ROBO2: variants seen among roughly 807,000 people sequenced by gnomAD.
The protein encoded by ROBO2 is roundabout guidance receptor 2.
In ROBO2, 53 loss-of-function variants were observed where a neutral mutation model predicts 160.8. That is an observed-to-expected ratio of 0.33 (90% CI 0.26 to 0.41). The LOEUF is 0.41. Ranked by LOEUF, ROBO2 falls within the 10% of genes least tolerant of loss-of-function variation. The pLI is 1.00. For synonymous variants in ROBO2, 664 were observed against 611.7 expected (o/e 1.09, Z -1.26); for missense variants, 1,577 against 1,722.4 (o/e 0.92, Z 1.49).
At chr3:76,653,839 C>T (rs191169361) in intron 2 of ROBO2, among the ~76,000 whole-genome samples, 3 of 152,106 alleles carry the variant, frequency 2.0e-5, no homozygotes, top group Non-Finnish European at 2.9e-5. Context: ...ACACTGACCT[C>T]CATTCAATTA....
At chr3:77,409,105 A>ATT (rs2076496387) in intron 2 of ROBO2, among the ~76,000 whole-genome samples, 1 of 124,482 alleles carries the variant, frequency 8.0e-6, no homozygotes, top group South Asian at 2.6e-4. Flanking sequence ...ATATATATGT[A>ATT]TATATATATA....
chr3:77,036,045 CTT>C (rs150635019), upstream of ROBO2, among the ~76,000 whole-genome samples: 4,758 of 151,948 alleles, frequency 0.031, 251 homozygotes, highest in African/African-American at 0.11. Context: ...ATATTATACT[CTT>C]ATACTATTTC....
rs969408536 is a variant in ROBO2 at position 77,445,872 on chromosome 3, A to G, written c.389-31542A>G. On this transcript the variant is annotated intron_variant, in intron 2 of 25. Coordinates refer to ENST00000461745, the Ensembl canonical transcript of ROBO2. ...TATAAACCACAGGAATTCCATTTTGAAACTGTGTCTAGTATACTGTACAGG... is the reference window on the plus strand; with the variant it reads ...TATAAACCACAGGAATTCCATTTTGGAACTGTGTCTAGTATACTGTACAGG... Among the ~76,000 whole-genome samples the G allele has an allele frequency of 2.2e-4, 33 of 149,516 alleles. 1 individual carries two copies. Among genetic ancestry groups the G allele is most frequent in the Non-Finnish European group, 7.4e-5 (5 of 67,726 alleles).
At chr3:76,498,169 C>T (rs2080258636) in intron 2 of ROBO2, among the ~76,000 whole-genome samples, 1 of 152,228 alleles carries the variant, frequency 6.6e-6, no homozygotes, top group South Asian at 2.1e-4. Context: ...GTACTCCAAA[C>T]ATTATTTCTC....
intron 2 of ROBO2, among the ~76,000 whole-genome samples, chr3:77,471,415 T>C (rs1434538173): frequency 1.3e-5 from 2 of 152,218 alleles, no homozygotes; most frequent in Non-Finnish European, 2.9e-5. Context: ...CATAACAAAT[T>C]ACTACAAAAT....
Position 76,048,881 on chromosome 3 carries a change from A to G in ROBO2, c.109+111279A>G, listed in dbSNP as rs1265208933. Among the ~76,000 whole-genome samples the G allele has an allele frequency of 2.6e-5, 4 of 152,330 alleles. No homozygotes were observed. The East Asian group carries it at 7.7e-4, about 29-fold the overall frequency. On this transcript the variant is annotated intron_variant, in intron 2 of 26. Transcript: ENST00000487694. ...AGGGAACGGAATTGTAAATGTTAAC[A>G]AGATTAATCTCAGGAACACAATGTT...
chr3:75,920,958 C>T (rs1356193838), intron 1 of ROBO2, among the ~76,000 whole-genome samples: 1 of 151,902 alleles, frequency 6.6e-6, no homozygotes, highest in African/African-American at 2.4e-5. Flanking sequence ...GAATACAGCA[C>T]ACCTCTGGAT....
At chr3:77,101,555 ATTT>A (rs2071934864) in intron 2 of ROBO2, among the ~76,000 whole-genome samples, 1 of 152,158 alleles carries the variant, frequency 6.6e-6, no homozygotes, top group Admixed American at 6.5e-5. Context: ...AGTAGATGTG[ATTT>A]CCAGGCAGGC....
chr3:77,298,777 T>G (rs1446274804), intron 2 of ROBO2, among the ~76,000 whole-genome samples: 1 of 152,184 alleles, frequency 6.6e-6, no homozygotes, highest in Non-Finnish European at 1.5e-5. Flanking sequence ...CATCTGTGCC[T>G]CCTGTGTGCA....
Position 76,551,620 on chromosome 3 carries a change from G to C in ROBO2, c.110-546394G>C, listed in dbSNP as rs542990943. Among the ~76,000 whole-genome samples, 182 of 152,252 alleles carry C rather than the reference G, an allele frequency of 1.2e-3. 1 individual carries two copies. The highest frequency in any genetic ancestry group is 3.5e-3 in the Admixed American group (53 of 15,308). On this transcript the variant is annotated intron_variant, in intron 2 of 26. Transcript: ENST00000487694. The stretch of plus-strand genomic sequence containing the variant: ...GGGAGCCCAGACCTAGAGGATCCCT[G>C]AACCAGCGCTGTGACACCCTCCTGG...
intron 2 of ROBO2, among the ~76,000 whole-genome samples, chr3:76,834,171 T>C (rs11716157): frequency 0.01 from 1,216 of 117,052 alleles, 55 homozygotes; most frequent in Non-Finnish European, 0.015. Flanking sequence ...CTTTCTTTCT[T>C]TCTCTCTCTC....
intron 2 of ROBO2, among the ~76,000 whole-genome samples, chr3:77,420,945 A>G (rs1406926119): frequency 2.0e-5 from 3 of 152,134 alleles, no homozygotes. Context: ...GACTAATTAA[A>G]TGTCAAATTC....
Position 76,436,670 on chromosome 3 carries a change from C to T in ROBO2, c.109+499068C>T, listed in dbSNP as rs2076698425. Reference sequence around the variant, plus strand: ...TACAGAAAATAGAATAAAGTTAATACCAAACTTGAAAAGAAAAAAGAAAAA... The same window carrying T: ...TACAGAAAATAGAATAAAGTTAATATCAAACTTGAAAAGAAAAAAGAAAAA... On this transcript the variant is annotated intron_variant, in intron 2 of 26. Transcript: ENST00000487694. Among the ~76,000 whole-genome samples, 16 of 151,638 alleles carry T rather than the reference C, an allele frequency of 1.1e-4. No homozygotes were observed. The South Asian group carries it at 3.3e-3, about 32-fold the overall frequency.
intron 2 of ROBO2, among the ~76,000 whole-genome samples, chr3:77,204,774 T>G (rs1367491687): frequency 3.3e-5 from 5 of 152,198 alleles, no homozygotes; most frequent in East Asian, 3.9e-4. Flanking sequence ...TCAAGACAGA[T>G]TATCCATGTT....
At chr3:77,507,136 C>T (rs142901673) in intron 5 of ROBO2, among the ~76,000 whole-genome samples, 25 of 152,216 alleles carry the variant, frequency 1.6e-4, no homozygotes, top group African/African-American at 5.1e-4. Flanking sequence ...ACCTACAAAC[C>T]CACAAGTTAT....
At chr3:76,176,257 G>A (rs2107055526) in intron 2 of ROBO2, among the ~76,000 whole-genome samples, 1 of 152,140 alleles carries the variant, frequency 6.6e-6, no homozygotes, top group Non-Finnish European at 1.5e-5. Flanking sequence ...GCCTAATAGA[G>A]AACTGATTGC....
intron 2 of ROBO2, among the ~76,000 whole-genome samples, chr3:76,539,083 C>T (rs184116042): frequency 6.6e-6 from 1 of 152,160 alleles, no homozygotes; most frequent in East Asian, 1.9e-4. Flanking sequence ...CCTCAGCAAA[C>T]TAACACAGGA....
chr3:77,325,291 A>G (rs541821898), intron 2 of ROBO2, among the ~76,000 whole-genome samples: 7 of 152,208 alleles, frequency 4.6e-5, no homozygotes, highest in Non-Finnish European at 1.0e-4. Context: ...AAGTCAAACA[A>G]CTTTTTGAAC....
intron 2 of ROBO2, among the ~76,000 whole-genome samples, chr3:77,183,111 C>CA (rs2080946144): frequency 6.6e-6 from 1 of 152,028 alleles, no homozygotes; most frequent in South Asian, 2.1e-4. Context: ...CCTGTTTTAT[C>CA]ACTAAGCCAT....
Sources: allele counts gnomAD v4.1 joint callset (sites outside exome capture counted in the v4.1 genomes callset), GRCh38; gene constraint gnomAD v4.1.1; transcripts MANE v1.5; gene names NCBI Gene and HGNC (gene_info 2026-07-23, HGNC 2026-07-21).